Variants in MLLT3 observed in about 807,000 individuals in gnomAD.
MLLT3 encodes MLLT3 super elongation complex subunit, also known as protein AF-9.
In MLLT3, 4 loss-of-function variants were observed where a neutral mutation model predicts 53.2. The ratio of observed to expected loss-of-function variants is 0.08; its 90% confidence interval spans 0.04 to 0.17. The LOEUF is 0.17. Among genes scored for constraint, MLLT3 ranks in the 10% least tolerant of loss-of-function variants. The pLI is 1.00. For missense variants in MLLT3, 569 were observed against 684.0 expected (o/e 0.83, Z 1.87); for synonymous variants, 283 against 230.6 (o/e 1.23, Z -2.06).
intron 3 of MLLT3, among the ~76,000 whole-genome samples, chr9:20,454,015 A>G (rs1477408877): frequency 6.6e-6 from 1 of 152,226 alleles, no homozygotes; most frequent in Admixed American, 6.5e-5. Flanking sequence ...TAATCTATAT[A>G]CTAAACAGAA....
chr9:20,360,063 TA>T (rs1415424182), intron 8 of MLLT3, among the ~76,000 whole-genome samples: 1 of 152,240 alleles, frequency 6.6e-6, no homozygotes, highest in Non-Finnish European at 1.5e-5. Context: ...ACTATCAAAT[TA>T]ATAAGCTTTC....
intron 7 of MLLT3, among the ~76,000 whole-genome samples, chr9:20,361,382 C>T (rs975920429): frequency 2.0e-5 from 3 of 152,146 alleles, no homozygotes; most frequent in African/African-American, 7.2e-5. Flanking sequence ...GAAGCAACCA[C>T]ATAAATGAAA....
chr9:20,436,119 G>A (rs1430429617), intron 4 of MLLT3, among the ~76,000 whole-genome samples: 1 of 152,096 alleles, frequency 6.6e-6, no homozygotes, highest in Non-Finnish European at 1.5e-5. Flanking sequence ...TCAAAACCCT[G>A]GTAGATTACA....
At chr9:20,443,183 C>T (rs1678828887) in intron 4 of MLLT3, among the ~76,000 whole-genome samples, 1 of 152,050 alleles carries the variant, frequency 6.6e-6, no homozygotes, top group Admixed American at 6.6e-5. Context: ...ACCCAACACC[C>T]TACCACCATC....
chr9:20,402,684 CAA>C (rs1162115598), intron 5 of MLLT3, among the ~76,000 whole-genome samples: 2 of 152,126 alleles, frequency 1.3e-5, no homozygotes, highest in African/African-American at 2.4e-5. Context: ...TGAAATACAT[CAA>C]GTCATGATTA....
chr9:20,589,970 A>G (rs1240942085), intron 2 of MLLT3, among the ~76,000 whole-genome samples: 1 of 152,106 alleles, frequency 6.6e-6, no homozygotes, highest in Non-Finnish European at 1.5e-5. Flanking sequence ...CGGCCTCCCA[A>G]AGTGCTGGGA....
chr9:20,509,645 G>C (rs1825475439), intron 2 of MLLT3, among the ~76,000 whole-genome samples: 1 of 152,182 alleles, frequency 6.6e-6, no homozygotes, highest in African/African-American at 2.4e-5. Flanking sequence ...ACCACGCCAA[G>C]ACTGTATTAA....
At chr9:20,541,084 T>G (rs1216842937) in intron 2 of MLLT3, among the ~76,000 whole-genome samples, 1 of 152,338 alleles carries the variant, frequency 6.6e-6, no homozygotes, top group East Asian at 1.9e-4. Context: ...CCAGCCTTTT[T>G]GCTAAATTAT....
chr9:20,587,584 T>C (rs1022785890), intron 2 of MLLT3, among the ~76,000 whole-genome samples: 2 of 152,240 alleles, frequency 1.3e-5, no homozygotes, highest in African/African-American at 2.4e-5. Context: ...ATAATGTGGC[T>C]TTCAAATACA....
Position 20,620,838 on chromosome 9 carries a change from C to A in MLLT3, c.13-4G>T, listed in dbSNP as rs762059433. The A allele has an allele frequency of 1.2e-5, 19 of 1,613,626 alleles. No individual in the cohort carries two copies. The East Asian group carries it at 3.6e-4, about 30-fold the overall frequency. On this transcript the variant is annotated splice_region_variant and splice_polypyrimidine_tract_variant and intron_variant, in intron 1 of 10. Coordinates refer to ENST00000380338, the MANE Select transcript of MLLT3 (RefSeq NM_004529.4). This position sits in a 1 kb window ranked among gnomAD's most constrained non-coding sequence, Gnocchi z 6.1. The stretch of plus-strand genomic sequence containing the variant: ...CCAGCTTCACCTGCACGGCACACTG[C>A]GGGCAGGGGGAGGAGAGACAGCCGT...
intron 2 of MLLT3, among the ~76,000 whole-genome samples, chr9:20,550,663 T>C (rs1231249073): frequency 6.6e-6 from 1 of 152,220 alleles, no homozygotes; most frequent in East Asian, 1.9e-4. Context: ...CTCTTTAAAA[T>C]GTTGGGATTA....
chr9:20,565,504 C>A (rs1263363459), intron 2 of MLLT3, among the ~76,000 whole-genome samples: 1 of 152,022 alleles, frequency 6.6e-6, no homozygotes, highest in African/African-American at 2.4e-5. Context: ...CTGTCCTCCC[C>A]ACTCTCATAA....
intron 2 of MLLT3, among the ~76,000 whole-genome samples, chr9:20,556,143 A>G (rs187686803): frequency 5.1e-4 from 77 of 152,350 alleles, no homozygotes; most frequent in Admixed American, 1.3e-3. Context: ...TATGCAATAG[A>G]TGAATGTATA....
chr9:20,507,742 G>GGAAA (rs746866170), intron 2 of MLLT3, among the ~76,000 whole-genome samples: 2 of 84,542 alleles, frequency 2.4e-5, no homozygotes, highest in African/African-American at 7.9e-5. Context: ...TCCCAAAATG[G>GGAAA]AAAAAAAAAA....
intron 2 of MLLT3, among the ~76,000 whole-genome samples, chr9:20,584,781 G>A (rs572399198): frequency 6.6e-6 from 1 of 152,290 alleles, no homozygotes; most frequent in Middle Eastern, 3.4e-3. Flanking sequence ...TGAGATTTGG[G>A]TGGGGGCACA....
chr9:20,370,454 T>A (rs796302443), intron 5 of MLLT3, among the ~76,000 whole-genome samples: 8 of 152,148 alleles, frequency 5.3e-5, no homozygotes, highest in African/African-American at 1.4e-4. Flanking sequence ...ATACTGAAAT[T>A]AGGCCAATTA....
intron 2 of MLLT3, among the ~76,000 whole-genome samples, chr9:20,595,875 C>T (rs190389977): frequency 6.6e-6 from 1 of 152,206 alleles, no homozygotes; most frequent in Admixed American, 6.5e-5. Context: ...GTTACCATTT[C>T]TCTACCTAGC....
chr9:20,618,584 G>A (rs1820898116), intron 2 of MLLT3, among the ~76,000 whole-genome samples: 1 of 152,128 alleles, frequency 6.6e-6, no homozygotes, highest in Non-Finnish European at 1.5e-5. Flanking sequence ...ACTGCATAGA[G>A]AACCTCCACA....
intron 4 of MLLT3, among the ~76,000 whole-genome samples, chr9:20,445,328 A>G (rs1296460477): frequency 6.6e-6 from 1 of 152,182 alleles, no homozygotes; most frequent in Non-Finnish European, 1.5e-5. Context: ...ACAGAAAAAC[A>G]CAGGGTATAT....
Sources: allele counts gnomAD v4.1 joint callset (sites outside exome capture counted in the v4.1 genomes callset), GRCh38; gene constraint gnomAD v4.1.1; non-coding constraint Gnocchi (gnomAD v3.1); transcripts MANE v1.5; gene names NCBI Gene and HGNC (gene_info 2026-07-23, HGNC 2026-07-21).